The following BMPR2 variants were observed in gnomAD, a reference collection of about 807,000 sequenced individuals.
BMPR2 encodes the protein bone morphogenetic protein receptor type-2.
BMPR2 carries 29 observed loss-of-function variants against 100.8 expected under a neutral mutation model. The observed-to-expected ratio is 0.29, with a 90% CI of 0.21 to 0.39. The LOEUF (loss-of-function observed/expected upper bound fraction) is 0.39, where lower values mean the gene tolerates loss of function less well. Ranked by LOEUF, BMPR2 falls within the 10% of genes least tolerant of loss-of-function variation. The probability of loss-of-function intolerance (pLI) is 1.00; values close to 1 mark genes in which losing one functional copy is unlikely to be tolerated. For synonymous variants in BMPR2, 382 were observed against 442.3 expected (o/e 0.86, Z 1.71); for missense variants, 1,011 against 1,274.5 (o/e 0.79, Z 3.15).
At chr2:202,463,194 TTTCC>T (rs1692254913) in intron 1 of BMPR2, among the ~76,000 whole-genome samples, 5 of 152,168 alleles carry the variant, frequency 3.3e-5, no homozygotes, top group African/African-American at 1.2e-4. Context: ...AGAACAGTGG[TTTCC>T]TGGGGTGGAA....
intron 1 of BMPR2, among the ~76,000 whole-genome samples, chr2:202,381,005 G>T (rs1471984139): frequency 1.7e-5 from 2 of 116,274 alleles, no homozygotes; most frequent in Non-Finnish European, 3.3e-5. Context: ...GACAGAGTCT[G>T]GCTCGGTCAC....
chr2:202,490,337 C>T (rs530636099), intron 3 of BMPR2, among the ~76,000 whole-genome samples: 8 of 152,086 alleles, frequency 5.3e-5, no homozygotes, highest in East Asian at 1.9e-4. Context: ...CACACACACA[C>T]GAGGTTGTAC....
intron 7 of BMPR2, among the ~76,000 whole-genome samples, chr2:202,526,096 C>T (rs959789424): frequency 6.6e-5 from 10 of 151,962 alleles, no homozygotes; most frequent in African/African-American, 2.4e-4. Context: ...GAACTCCTGA[C>T]CTCAGGTGAT....
intron 3 of BMPR2, among the ~76,000 whole-genome samples, chr2:202,477,511 C>T (rs1430812513): frequency 6.6e-6 from 1 of 151,992 alleles, no homozygotes; most frequent in Non-Finnish European, 1.5e-5. Flanking sequence ...AAAGCTAAGC[C>T]GGGAGCGGTG....
intron 3 of BMPR2, among the ~76,000 whole-genome samples, chr2:202,470,028 G>T (rs954833892): frequency 6.6e-6 from 1 of 152,080 alleles, no homozygotes; most frequent in Non-Finnish European, 1.5e-5. Flanking sequence ...TGAAACCATC[G>T]TAGATGCATT....
At chr2:202,471,866 A>T (rs1574466172) in intron 3 of BMPR2, among the ~76,000 whole-genome samples, 2 of 152,092 alleles carry the variant, frequency 1.3e-5, no homozygotes, top group East Asian at 3.9e-4. Flanking sequence ...AGAAGTGTTT[A>T]AGAATAAAGG....
At chr2:202,522,828 TA>T (rs901225736) in intron 7 of BMPR2, among the ~76,000 whole-genome samples, 84 of 144,086 alleles carry the variant, frequency 5.8e-4, no homozygotes, top group East Asian at 8.0e-4. Context: ...AGACATCGTC[TA>T]AAAAAAAAAA....
Position 202,377,041 on chromosome 2 carries a change from G to C in BMPR2, c.-434G>C, listed in dbSNP as rs766982703. On this transcript the variant is annotated 5_prime_UTR_variant, in exon 1 of 13. Transcript: ENST00000374580. ...CCGCCCGTCCGGCTTCGTCCTTCCC[G>C]GCAGTCGGGAACTAGTTCTGACCCT... 1.1e-5 allele frequency: 5 copies of C among 463,570 alleles called. No homozygotes were observed. In the South Asian group the frequency reaches 2.0e-4, roughly 19 times the overall value. The allele number at this position is 463,570 out of a possible 1,614,324, so 28.7% of individuals were successfully genotyped here.
intron 1 of BMPR2, among the ~76,000 whole-genome samples, chr2:202,428,398 C>A (rs1156690875): frequency 7.1e-6 from 1 of 141,738 alleles, no homozygotes; most frequent in Non-Finnish European, 1.6e-5. Flanking sequence ...CTCTCTCTTT[C>A]TCTCTCTCTT....
intron 3 of BMPR2, among the ~76,000 whole-genome samples, chr2:202,506,979 A>G (rs763237572): frequency 1.3e-5 from 2 of 151,674 alleles, no homozygotes; most frequent in Non-Finnish European, 2.9e-5. Flanking sequence ...AGGCTGAGGC[A>G]GGAGAATTGC....
chr2:202,433,122 G>A (rs1279027552), intron 1 of BMPR2, among the ~76,000 whole-genome samples: 3 of 150,494 alleles, frequency 2.0e-5, no homozygotes, highest in East Asian at 3.9e-4. Flanking sequence ...GGATGTTCAA[G>A]AATGTTACTT....
chr2:202,550,485 T>C (rs1333691297), intron 10 of BMPR2, among the ~76,000 whole-genome samples: 1 of 152,046 alleles, frequency 6.6e-6, no homozygotes, highest in African/African-American at 2.4e-5. Context: ...TCCAAAGTCC[T>C]GGGATTACAG....
intron 1 of BMPR2, among the ~76,000 whole-genome samples, chr2:202,451,867 A>G (rs903614153): frequency 6.6e-6 from 1 of 151,950 alleles, no homozygotes; most frequent in African/African-American, 2.4e-5. Flanking sequence ...CTCCTGTCTC[A>G]GCCTCCTGAG....
chr2:202,475,505 T>C (rs1394566092), intron 3 of BMPR2, among the ~76,000 whole-genome samples: 1 of 152,216 alleles, frequency 6.6e-6, no homozygotes, highest in African/African-American at 2.4e-5. Flanking sequence ...AATTCTTTAA[T>C]GCAGTAGTAA....
intron 3 of BMPR2, among the ~76,000 whole-genome samples, chr2:202,485,490 T>C (rs1692754647): frequency 6.6e-6 from 1 of 150,772 alleles, no homozygotes. Context: ...AATCTCTGCT[T>C]CTGCCTTCAC....
At chr2:202,427,698 T>G (rs992769452) in intron 1 of BMPR2, among the ~76,000 whole-genome samples, 3 of 152,042 alleles carry the variant, frequency 2.0e-5, no homozygotes, top group Non-Finnish European at 2.9e-5. Context: ...CTTTTTATGG[T>G]TGGACATTGT....
At chr2:202,539,260 G>T (rs1232105154) in intron 9 of BMPR2, among the ~76,000 whole-genome samples, 2 of 152,128 alleles carry the variant, frequency 1.3e-5, no homozygotes, top group Non-Finnish European at 2.9e-5. Context: ...TTGAAAAGAG[G>T]AAACAGAACT....
At chr2:202,392,896 G>C (rs1402858884) in intron 1 of BMPR2, among the ~76,000 whole-genome samples, 1 of 151,750 alleles carries the variant, frequency 6.6e-6, no homozygotes, top group Non-Finnish European at 1.5e-5. Context: ...GAAGGCTGAG[G>C]CAGGAGAATT....
At chr2:202,414,771 C>T (rs987840601) in intron 1 of BMPR2, among the ~76,000 whole-genome samples, 1 of 152,002 alleles carries the variant, frequency 6.6e-6, no homozygotes, top group African/African-American at 2.4e-5. Flanking sequence ...ACAGAGTCTC[C>T]CTCTGTCGCC....
Sources: allele counts gnomAD v4.1 joint callset (sites outside exome capture counted in the v4.1 genomes callset), GRCh38; gene constraint gnomAD v4.1.1; transcripts MANE v1.5; gene names NCBI Gene and HGNC (gene_info 2026-07-23, HGNC 2026-07-21).